ASPM: variants seen among roughly 807,000 people sequenced by gnomAD.
ASPM encodes the protein abnormal spindle-like microcephaly-associated protein.
ASPM carries 256 observed loss-of-function variants against 366.4 expected under a neutral mutation model. The ratio of observed to expected loss-of-function variants is 0.70; its 90% CI spans 0.63 to 0.77. The LOEUF (loss-of-function observed/expected upper bound fraction) is 0.77. Ranked by LOEUF, ASPM falls within the 30% of genes least tolerant of loss-of-function variation. ASPM has a pLI of 0.00. For missense variants in ASPM, 4,146 were observed against 4,090.4 expected, an observed-to-expected ratio of 1.01 and a Z score of -0.37; for synonymous variants, 1,414 against 1,342.9, an observed-to-expected ratio of 1.05 and a Z score of -1.16.
chr1:197,142,283 T>G (rs918027350), intron 3 of ASPM, 48 bp downstream of exon 3: 1 of 1,582,910 alleles, frequency 6.3e-7, no homozygotes. Context: ...CAAAAGGAAG[T>G]ATCCCCTTTA....
At chr1:197,135,688 C>G (rs1234984505) in intron 4 of ASPM, among the ~76,000 whole-genome samples, 10 of 139,300 alleles carry the variant, frequency 7.2e-5, no homozygotes, top group Non-Finnish European at 1.4e-4. Context: ...GGGTCTTTAC[C>G]AAGTAATGAG....
At position 197,133,482 on chromosome 1, in the gene ASPM, T is replaced by C; in HGVS notation, c.2287A>G (p.Asn763Asp). ...CGGCATGCTGCACGACGTAGTCTGT[T>C]TAACCTACACCGAGCAGTATAAGCT... is the stretch of plus-strand genomic sequence containing the variant. ...LRAYTARCRLNRLRRAACRLF... is the reference protein window; with the variant it reads ...LRAYTARCRLDRLRRAACRLF... The change falls in exon 6 of 28, where the codon AAC becomes GAC. Residue 763 changes from asparagine to aspartate, a missense_variant. By Grantham distance (23) the Asn-to-Asp change is conservative. Transcript: ENST00000367409. 6.2e-7 allele frequency: 1 copy of C among 1,614,140 alleles called. No homozygotes were observed. The highest frequency in any genetic ancestry group is 8.5e-7 in the Non-Finnish European group (1 of 1,180,002).
intron 16 of ASPM, among the ~76,000 whole-genome samples, chr1:197,121,285 A>G (rs1480013054): frequency 6.6e-6 from 1 of 152,090 alleles, no homozygotes; most frequent in Admixed American, 6.6e-5. Flanking sequence ...TAAGAAAAAA[A>G]TTTTTTACAT....
chr1:197,105,601 A>C (rs1657385739), intron 17 of ASPM, among the ~76,000 whole-genome samples: 2 of 152,006 alleles, frequency 1.3e-5, no homozygotes, highest in Admixed American at 1.3e-4. Flanking sequence ...TATAATGACT[A>C]GAAACTGTTT....
chr1:197,124,577 T>C (rs1658024882), intron 12 of ASPM, among the ~76,000 whole-genome samples: 1 of 149,976 alleles, frequency 6.7e-6, no homozygotes, highest in East Asian at 2.1e-4. Flanking sequence ...GTTAAGAACA[T>C]GGGATTTGGG....
intron 17 of ASPM, among the ~76,000 whole-genome samples, chr1:197,115,805 G>A (rs1013782526): frequency 6.6e-6 from 1 of 152,128 alleles, no homozygotes; most frequent in Non-Finnish European, 1.5e-5. Flanking sequence ...CTGTTATCCA[G>A]ACTTTGTTGT....
intron 17 of ASPM, among the ~76,000 whole-genome samples, chr1:197,113,171 T>C (rs942381067): frequency 1.3e-5 from 2 of 151,984 alleles, no homozygotes; most frequent in Non-Finnish European, 2.9e-5. Flanking sequence ...ACTGAATACA[T>C]ATGGACACAA....
rs180757199 is a variant in ASPM at position 197,096,651 on chromosome 1, T to A, written c.8821-487A>T. On this transcript the variant is annotated intron_variant, in intron 18 of 27. Coordinates refer to ENST00000367409, the MANE Select transcript of ASPM (RefSeq NM_018136.5). ...GATAGGACTGTCAGACTTTCTGATT[T>A]TGACAACCTTCTGGAAGACTAAAGG... Among the ~76,000 whole-genome samples the A allele has an allele frequency of 5.9e-5, 9 of 151,880 alleles. 1 individual carries two copies. The East Asian group carries it at 1.7e-3, about 30-fold the overall frequency.
chr1:197,118,832 T>C (rs1275854703), intron 16 of ASPM, among the ~76,000 whole-genome samples: 1 of 152,160 alleles, frequency 6.6e-6, no homozygotes, highest in Non-Finnish European at 1.5e-5. Context: ...GTAACTTTGC[T>C]ATACTGTCCA....
intron 6 of ASPM, 124 bp downstream of exon 6, chr1:197,133,226 G>T: frequency 1.0e-6 from 1 of 971,136 alleles, no homozygotes; most frequent in Non-Finnish European, 1.5e-6. Flanking sequence ...ACATCATGTT[G>T]TATACCTTAA....
chr1:197,092,131 C>A lies in ASPM; in HGVS notation c.9295-75G>T, dbSNP rs1571590091. On this transcript the variant is annotated intron_variant, in intron 21 of 27. Coordinates refer to ENST00000367409, the MANE Select transcript of ASPM (RefSeq NM_018136.5). ...TCAATGAGTGTTTTTTTTTGTATAA[C>A]CTCAACATCAAATTATATAAACTAG... 5.3e-5 allele frequency: 75 copies of A among 1,404,074 alleles called. No individual in the cohort carries two copies. In the South Asian group the frequency reaches 8.2e-4, roughly 15 times the overall value. The allele number at this position is 1,404,074 out of a possible 1,614,324, so 87.0% of individuals were successfully genotyped here. A position where few individuals can be genotyped will look rare whatever the true frequency, so the allele number is the denominator to read the frequency against.
chr1:197,132,400 G>A (rs749740631), intron 6 of ASPM, 48 bp from the exon 7 acceptor site: 1 of 1,522,752 alleles, frequency 6.6e-7, no homozygotes, highest in South Asian at 1.1e-5. Flanking sequence ...TAATCAAATA[G>A]AGACAAGAAA....
chr1:197,086,138 C>A (rs557876256), intron 27 of ASPM, among the ~76,000 whole-genome samples: 1 of 151,872 alleles, frequency 6.6e-6, no homozygotes, highest in Non-Finnish European at 1.5e-5. Flanking sequence ...AATTATAAAG[C>A]TAATGGCTGT....
chr1:197,135,704 T>C (rs1176268952), intron 4 of ASPM, among the ~76,000 whole-genome samples: 22 of 150,592 alleles, frequency 1.5e-4, no homozygotes, highest in African/African-American at 4.9e-4. Context: ...ATGAGATTGC[T>C]GGGTAAATGG....
In ASPM at chr1:197,101,217, G is replaced by C. The variant is rs587783276; in HGVS notation, c.8034C>G (p.Gly2678=). ...TTTGAATATCCTTTCGTACTTTAAA[G>C]CCTCTGTAATAAGACTGTATACAAA... ...AVICIQSYYR[G]FKVRKDIQNM... is the part of the protein sequence containing the mutation. Residue 2678 remains glycine, a synonymous_variant, in exon 18 of 28, where the codon GGC becomes GGG. Coordinates refer to ENST00000367409, the MANE Select transcript of ASPM (RefSeq NM_018136.5). The C allele has an allele frequency of 5.4e-5, 87 of 1,612,126 alleles. No individual in the cohort carries two copies. The highest frequency in any genetic ancestry group is 7.2e-5 in the Non-Finnish European group (85 of 1,179,054).
Position 197,133,394 on chromosome 1 carries a change from C to T in ASPM, c.2375G>A (p.Arg792Lys), listed in dbSNP as rs773318676. 1.6e-5 allele frequency: 26 copies of T among 1,613,866 alleles called. No homozygotes were observed. The South Asian group carries it at 2.7e-4, about 17-fold the overall frequency. Residue 792 changes from arginine (R) to lysine (K), a missense_variant, in exon 6 of 28, where the codon AGG becomes AAG. Physicochemically the swap from Arg to Lys is conservative, Grantham distance 26 (BLOSUM62 2). Coordinates refer to ENST00000367409, the MANE Select transcript of ASPM (RefSeq NM_018136.5). Reference protein sequence around the residue: ...IKKLEIEIEARRLIVRKDRHL... With the variant: ...IKKLEIEIEAKRLIVRKDRHL... ...TCTATCTTTTCGAACAATTAACCGC[C>T]TAGCTTCAATTTCAATTTCAAGCTT... is the stretch of plus-strand genomic sequence containing the variant.
chr1:197,091,093 A>T (rs1330366673), intron 22 of ASPM, 52 bp from the exon 23 acceptor site: 1 of 1,344,110 alleles, frequency 7.4e-7, no homozygotes, highest in African/African-American at 1.5e-5. Context: ...GTTTTTTTAA[A>T]AAAATATACA....
At chr1:197,118,098 C>T (rs1657796882) in intron 16 of ASPM, 115 bp from the exon 17 acceptor site, 6 of 970,094 alleles carry the variant, frequency 6.2e-6, no homozygotes, top group Non-Finnish European at 9.6e-6. Context: ...AAATAAAACA[C>T]CCCTACACTT....
At chr1:197,105,944 T>C (rs1190398718) in intron 17 of ASPM, among the ~76,000 whole-genome samples, 1 of 152,022 alleles carries the variant, frequency 6.6e-6, no homozygotes, top group African/African-American at 2.4e-5. Flanking sequence ...AAGTTCTAGA[T>C]GTTTTAGCAA....
Sources: allele counts gnomAD v4.1 joint callset (sites outside exome capture counted in the v4.1 genomes callset), GRCh38; gene constraint gnomAD v4.1.1; transcripts MANE v1.5; gene names NCBI Gene and HGNC (gene_info 2026-07-23, HGNC 2026-07-21).